Variants in CR1L observed in about 807,000 individuals in gnomAD.
CR1L encodes complement C3b/C4b receptor 1 like.
In CR1L, 59 loss-of-function variants were observed where a neutral mutation model predicts 62.3. That is an observed-to-expected ratio of 0.95 (90% confidence interval 0.77 to 1.18). The LOEUF is 1.18. Among genes scored for constraint, CR1L ranks in the 50% most tolerant of loss-of-function variants. The pLI, the probability that CR1L is intolerant of heterozygous loss-of-function variation, is 0.00. For missense variants in CR1L, 700 were observed against 702.8 expected (o/e 1.00, Z 0.04); for synonymous variants, 279 against 248.7 (o/e 1.12, Z -1.15).
In CR1L at chr1:207,677,400, G is replaced by A; in HGVS notation, c.109G>A (p.Val37Ile). ...GTCTTGATCCCCAGATCAATGCAAT[G>A]TCCCGGAATGGCTTCCATTTGCCAG... ...LLSSFSDQCNVPEWLPFARPT... is the reference protein window; with the variant it reads ...LLSSFSDQCNIPEWLPFARPT... The change falls in exon 2 of 12, where the codon GTC becomes ATC. Residue 37 changes from valine to isoleucine, a missense_variant. Coordinates refer to ENST00000508064, the MANE Select transcript of CR1L (RefSeq NM_175710.2). 1 of 1,577,872 alleles carries A rather than the reference G, an allele frequency of 6.3e-7. No individual in the cohort carries two copies. Among genetic ancestry groups the A allele is most frequent in the Non-Finnish European group, 8.6e-7 (1 of 1,158,212 alleles).
In CR1L at chr1:207,699,422, A is replaced by G. The variant is rs368844253; in HGVS notation, c.1228+148A>G. The stretch of plus-strand genomic sequence containing the variant: ...TTATTTTAGTAATGTTTGGTTGTGA[A>G]TCAATGTGTACATCACCTGTCTTTG... On this transcript the variant is annotated intron_variant, in intron 8 of 11. Coordinates refer to ENST00000508064, the MANE Select transcript of CR1L (RefSeq NM_175710.2). 1.6e-5 allele frequency: 15 copies of G among 936,762 alleles called. No individual in the cohort carries two copies. The African/African-American group carries it at 2.3e-4, about 14-fold the overall frequency. 58.0% of individuals were successfully genotyped at this position (936,762 alleles called of 1,614,324 possible). A position where few individuals can be genotyped will look rare whatever the true frequency, so the allele number is the denominator to read the frequency against.
At position 207,694,498 on chromosome 1, in the gene CR1L, C is replaced by G; in HGVS notation, c.609C>G (p.Pro203=). 1 of 1,613,780 alleles carries G rather than the reference C, an allele frequency of 6.2e-7. No homozygotes were observed. Among genetic ancestry groups the G allele is most frequent in the Non-Finnish European group, 8.5e-7 (1 of 1,179,880 alleles). Residue 203 remains proline, a synonymous_variant, in exon 5 of 12, where the codon CCC becomes CCG. Coordinates refer to ENST00000508064, the MANE Select transcript of CR1L (RefSeq NM_175710.2). ...GKKVFELVGE[P]SIYCTSKDDQ... Reference sequence around the variant, plus strand: ...AGGTGTTTGAGCTTGTGGGTGAGCCCTCCATATACTGCACCAGCAAAGATG... The same window carrying G: ...AGGTGTTTGAGCTTGTGGGTGAGCCGTCCATATACTGCACCAGCAAAGATG...
Position 207,665,983 on chromosome 1 carries a change from C to T in CR1L, c.98-11406C>T, listed in dbSNP as rs146972505. 2.6e-5 allele frequency among the ~76,000 whole-genome samples: 4 copies of T among 152,228 alleles called. No individual in the cohort carries two copies. The South Asian group carries it at 6.2e-4, about 24-fold the overall frequency. On this transcript the variant is annotated intron_variant, in intron 1 of 11. Coordinates refer to ENST00000508064, the MANE Select transcript of CR1L (RefSeq NM_175710.2). ...ATACATGGGTCTCCATTAGTGAAGC[C>T]GCACTGAGTAGAGAATAGTTTTCTA...
At chr1:207,661,186 T>C (rs570612485) in intron 1 of CR1L, among the ~76,000 whole-genome samples, 11 of 152,182 alleles carry the variant, frequency 7.2e-5, no homozygotes, top group Admixed American at 3.3e-4. Context: ...CTGAGTTCAA[T>C]TCCTGGATAT....
chr1:207,660,138 C>T (rs918074584), intron 1 of CR1L, among the ~76,000 whole-genome samples: 6 of 152,224 alleles, frequency 3.9e-5, no homozygotes, highest in Admixed American at 2.0e-4. Context: ...CACACTTAAA[C>T]GTCCCAGCCT....
At chr1:207,705,338 T>C (rs1162199959) in intron 9 of CR1L, among the ~76,000 whole-genome samples, 1 of 152,136 alleles carries the variant, frequency 6.6e-6, no homozygotes, top group South Asian at 2.1e-4. Context: ...CCCAACATAT[T>C]TGGGGGAGAC....
chr1:207,678,252 A>C lies in CR1L; in HGVS notation c.332A>C (p.Lys111Thr). The C allele has an allele frequency of 6.2e-7, 1 of 1,613,774 alleles. No homozygotes were observed. Among genetic ancestry groups the C allele is most frequent in the East Asian group, 2.2e-5 (1 of 44,886 alleles). Residue 111 changes from lysine to threonine, a missense_variant, in exon 3 of 12, where the codon AAA (lysine) becomes ACA (threonine). Coordinates refer to ENST00000508064, the MANE Select transcript of CR1L (RefSeq NM_175710.2). ...DPVNGMAHVI[K>T]DIQFRSQIKY... is the part of the protein sequence containing the mutation. ...GTGAATGGCATGGCACATGTGATCAAAGACATCCAGTTCAGATCCCAAATT... is the reference window on the plus strand; with the variant it reads ...GTGAATGGCATGGCACATGTGATCACAGACATCCAGTTCAGATCCCAAATT...
At chr1:207,663,974 T>C (rs1389722261) in intron 1 of CR1L, among the ~76,000 whole-genome samples, 1 of 151,646 alleles carries the variant, frequency 6.6e-6, no homozygotes, top group African/African-American at 2.4e-5. Flanking sequence ...CACCTCATAA[T>C]GTTATTCTTT....
intron 2 of CR1L, 140 bp downstream of exon 2, chr1:207,677,708 A>C (rs1663719957): frequency 2.0e-6 from 2 of 1,009,348 alleles, no homozygotes; most frequent in Non-Finnish European, 2.9e-6. Flanking sequence ...ATTCTTGTAG[A>C]TCATACCTTG....
At chr1:207,717,443 A>G (rs1362341187) in intron 10 of CR1L, 21 bp from the exon 11 acceptor site, 1 of 1,609,602 alleles carries the variant, frequency 6.2e-7, no homozygotes, top group Non-Finnish European at 8.5e-7. Context: ...TAGAACTTAA[A>G]AGCTCTTGTT....
intron 11 of CR1L, among the ~76,000 whole-genome samples, chr1:207,723,300 C>G (rs182029457): frequency 6.6e-6 from 1 of 151,734 alleles, no homozygotes; most frequent in East Asian, 1.9e-4. Flanking sequence ...TGTGGTAGCA[C>G]GTGCCTGTTT....
chr1:207,677,816 G>T (rs1044967258), intron 2 of CR1L, among the ~76,000 whole-genome samples: 4 of 152,174 alleles, frequency 2.6e-5, no homozygotes, highest in African/African-American at 9.7e-5. Flanking sequence ...TTCACTGGGG[G>T]TCTCCCATTT....
chr1:207,667,982 C>G (rs1192035479), intron 1 of CR1L, among the ~76,000 whole-genome samples: 1 of 151,138 alleles, frequency 6.6e-6, no homozygotes, highest in Non-Finnish European at 1.5e-5. Flanking sequence ...TCACCTCACC[C>G]TAGTTATCAG....
At chr1:207,716,979 G>T (rs1211517739) in intron 10 of CR1L, among the ~76,000 whole-genome samples, 1 of 152,142 alleles carries the variant, frequency 6.6e-6, no homozygotes, top group African/African-American at 2.4e-5. Context: ...TGGAAATTTG[G>T]TATTGGTCCT....
chr1:207,695,916 C>T (rs1475564605), intron 5 of CR1L, among the ~76,000 whole-genome samples: 1 of 152,308 alleles, frequency 6.6e-6, no homozygotes, highest in Middle Eastern at 3.4e-3. Flanking sequence ...CCCCATGATC[C>T]AGTCACTTCC....
At chr1:207,664,877 T>C (rs1663489648) in intron 1 of CR1L, among the ~76,000 whole-genome samples, 1 of 152,194 alleles carries the variant, frequency 6.6e-6, no homozygotes, top group Non-Finnish European at 1.5e-5. Context: ...TGTGCTAATG[T>C]GAAAAAATGT....
intron 1 of CR1L, 106 bp from the exon 2 acceptor site, chr1:207,677,283 G>A: frequency 8.9e-7 from 1 of 1,121,558 alleles, no homozygotes; most frequent in Non-Finnish European, 1.2e-6. Flanking sequence ...ACTCCAGCCT[G>A]GGTGACAGAG....
At chr1:207,663,208 G>T (rs1338144369) in intron 1 of CR1L, among the ~76,000 whole-genome samples, 1 of 152,220 alleles carries the variant, frequency 6.6e-6, no homozygotes, top group Admixed American at 6.5e-5. Flanking sequence ...AGAGGATTCT[G>T]CTACCTTTTG....
intron 1 of CR1L, among the ~76,000 whole-genome samples, chr1:207,673,168 C>T (rs1245764719): frequency 2.0e-5 from 3 of 152,196 alleles, no homozygotes; most frequent in Admixed American, 1.3e-4. Context: ...TTTACATTCA[C>T]TATTGTGACC....
Sources: allele counts gnomAD v4.1 joint callset (sites outside exome capture counted in the v4.1 genomes callset), GRCh38; gene constraint gnomAD v4.1.1; transcripts MANE v1.5; gene names NCBI Gene and HGNC (gene_info 2026-07-23, HGNC 2026-07-21).